FAT4: variants seen among roughly 807,000 people sequenced by gnomAD.
FAT4 encodes FAT atypical cadherin 4, also known as protocadherin Fat 4.
FAT4 carries 84 observed loss-of-function variants against 303.9 expected under a neutral mutation model. The observed-to-expected ratio is 0.28, with a 90% CI of 0.23 to 0.33. The LOEUF is 0.33. Ranked by LOEUF, FAT4 falls within the 10% of genes least tolerant of loss-of-function variation. The pLI is 1.00. For synonymous variants in FAT4, 2,307 were observed against 2,298.8 expected, an observed-to-expected ratio of 1.00 and a Z score of -0.10; for missense variants, 6,005 against 6,146.8, an observed-to-expected ratio of 0.98 and a Z score of 0.77.
chr4:125,317,617 T>G lies in FAT4; in HGVS notation c.1206T>G (p.Asn402Lys). ...GNISVQILGG[N>K]EQRHFEVQSS... ...TCTCCGTGCAAATTCTCGGGGGCAA[T>G]GAGCAGCGCCACTTTGAAGTGCAAA... The change falls in exon 2 of 18, where the codon AAT becomes AAG. Residue 402 changes from asparagine (N) to lysine (K), a missense_variant. Physicochemically the swap from Asn to Lys is moderately conservative, Grantham distance 94. Transcript: ENST00000394329. This position sits in a 1 kb window ranked among gnomAD's most constrained non-coding sequence, Gnocchi z 7.0. 1 of 1,613,914 alleles carries G rather than the reference T, an allele frequency of 6.2e-7. No homozygotes were observed. The highest frequency in any genetic ancestry group is 8.5e-7 in the Non-Finnish European group (1 of 1,179,948).
intron 7 of FAT4, among the ~76,000 whole-genome samples, chr4:125,432,042 G>A (rs1215364975): frequency 3.9e-5 from 6 of 152,076 alleles, no homozygotes; most frequent in African/African-American, 1.2e-4. Flanking sequence ...TAAAATCTAT[G>A]CCAAGATTAT....
intron 2 of FAT4, 86 bp downstream of exon 2, chr4:125,321,672 C>G: frequency 7.7e-7 from 1 of 1,291,980 alleles, no homozygotes; most frequent in Non-Finnish European, 1.0e-6. Flanking sequence ...TAATTGTTTA[C>G]CTTCATTGTT....
intron 2 of FAT4, among the ~76,000 whole-genome samples, chr4:125,359,334 GT>G (rs1732559207): frequency 1.3e-5 from 2 of 152,072 alleles, no homozygotes; most frequent in African/African-American, 2.4e-5. Flanking sequence ...GGATGTTGTT[GT>G]TTTCCTAATA....
intron 11 of FAT4, among the ~76,000 whole-genome samples, chr4:125,464,765 G>T (rs1208418666): frequency 1.3e-5 from 2 of 152,030 alleles, no homozygotes; most frequent in Non-Finnish European, 2.9e-5. Context: ...AGAACATGCG[G>T]TGTTTGGTTT....
intron 2 of FAT4, among the ~76,000 whole-genome samples, chr4:125,375,313 G>T (rs1733269919): frequency 6.6e-6 from 1 of 152,166 alleles, no homozygotes; most frequent in South Asian, 2.1e-4. Context: ...AACACGTTTG[G>T]TAAAGCAGCT....
intron 2 of FAT4, among the ~76,000 whole-genome samples, chr4:125,366,207 G>A (rs1732881699): frequency 6.6e-6 from 1 of 152,068 alleles, no homozygotes; most frequent in Non-Finnish European, 1.5e-5. Flanking sequence ...TATTAATTAA[G>A]GCTAGTACCC....
chr4:125,341,349 G>C (rs1461364142), intron 2 of FAT4, among the ~76,000 whole-genome samples: 1 of 152,026 alleles, frequency 6.6e-6, no homozygotes, highest in African/African-American at 2.4e-5. Context: ...GTGGTTATAT[G>C]GGAATTCATA....
intron 2 of FAT4, among the ~76,000 whole-genome samples, chr4:125,378,062 G>A (rs539836547): frequency 7.2e-5 from 11 of 152,080 alleles, no homozygotes; most frequent in South Asian, 2.1e-4. Flanking sequence ...TAAAAACTTC[G>A]ATAACATAAG....
chr4:125,401,883 G>A (rs1299714473), intron 3 of FAT4, among the ~76,000 whole-genome samples: 1 of 151,704 alleles, frequency 6.6e-6, no homozygotes, highest in East Asian at 1.9e-4. Context: ...ATGTGCTTTT[G>A]TCTCTGTGGT....
intron 2 of FAT4, among the ~76,000 whole-genome samples, chr4:125,385,001 C>T (rs200330305): frequency 0.055 from 6,647 of 120,006 alleles, 235 homozygotes; most frequent in East Asian, 0.15. Context: ...TATATATATA[C>T]ATATATATAT....
chr4:125,361,990 C>G (rs191174440), intron 2 of FAT4, among the ~76,000 whole-genome samples: 6 of 152,008 alleles, frequency 3.9e-5, no homozygotes, highest in Admixed American at 3.9e-4. Flanking sequence ...CTATTATTTT[C>G]CCTACTAACC....
At chr4:125,481,476 G>A (rs372934042) in intron 15 of FAT4, 45 bp from the exon 16 acceptor site, 122 of 1,552,878 alleles carry the variant, frequency 7.9e-5, no homozygotes, top group Non-Finnish European at 1.0e-4. Flanking sequence ...TCCAAGAAAT[G>A]CCAAATGAAT....
rs767411960 is a variant in FAT4, at chr4:125,450,989, C to T, written c.9979C>T (p.Arg3327Cys). 51 of 1,614,024 alleles carry T rather than the reference C, an allele frequency of 3.2e-5. No individual in the cohort carries two copies. The highest frequency in any genetic ancestry group is 8.9e-5 in the East Asian group (4 of 44,874). The change falls in exon 10 of 18, where the codon CGT becomes TGT. Residue 3327 changes from arginine to cysteine, a missense_variant. Physicochemically the swap from Arg to Cys is radical, Grantham distance 180. Coordinates refer to ENST00000394329, the MANE Select transcript of FAT4 (RefSeq NM_001291303.3). ...TGTTGGAGAAGTGTTTGCTAGCGAC[C>T]GTGATTTGGGCACTGATGGGGAGGT... ...TIVGEVFASDRDLGTDGEVHY... is the reference protein window; with the variant it reads ...TIVGEVFASDCDLGTDGEVHY...
intron 8 of FAT4, among the ~76,000 whole-genome samples, chr4:125,434,789 G>T (rs1367853818): frequency 6.6e-6 from 1 of 152,178 alleles, no homozygotes; most frequent in Non-Finnish European, 1.5e-5. Flanking sequence ...CTGCTGCCTT[G>T]GCAGGGTTGG....
chr4:125,470,467 G>A (rs573850433), intron 12 of FAT4, among the ~76,000 whole-genome samples: 2 of 152,258 alleles, frequency 1.3e-5, no homozygotes, highest in South Asian at 2.1e-4. Flanking sequence ...TACATTGAAA[G>A]TCTGTTCTTT....
intron 2 of FAT4, among the ~76,000 whole-genome samples, chr4:125,346,528 T>A (rs1029160919): frequency 4.6e-4 from 70 of 152,140 alleles, no homozygotes; most frequent in African/African-American, 1.4e-3. Flanking sequence ...GCCTTGAATT[T>A]TTTTTTGAAA....
chr4:125,348,132 A>G (rs1256692058), intron 2 of FAT4, among the ~76,000 whole-genome samples: 1 of 151,738 alleles, frequency 6.6e-6, no homozygotes, highest in Non-Finnish European at 1.5e-5. Flanking sequence ...CTTTATCCAT[A>G]AAACAATGAT....
chr4:125,320,358 C>G lies in FAT4; in HGVS notation c.3947C>G (p.Pro1316Arg). 6.2e-7 allele frequency: 1 copy of G among 1,613,970 alleles called. No individual in the cohort carries two copies. Among genetic ancestry groups the G allele is most frequent in the Non-Finnish European group, 8.5e-7 (1 of 1,179,906 alleles). ...GAAAATGACAATACCCCTTCTTTCC[C>G]TAAATCAACACTCTTTGTTGATGTT... ...LDENDNTPSFPKSTLFVDVLE... is the reference protein window; with the variant it reads ...LDENDNTPSFRKSTLFVDVLE... The change falls in exon 2 of 18, where the codon CCT becomes CGT. Residue 1316 changes from proline (P) to arginine (R), a missense_variant. Pro to Arg is a moderately radical substitution (Grantham distance 103). Coordinates refer to ENST00000394329, the MANE Select transcript of FAT4 (RefSeq NM_001291303.3).
intron 2 of FAT4, among the ~76,000 whole-genome samples, chr4:125,361,109 A>G (rs1163933248): frequency 1.3e-5 from 2 of 151,802 alleles, no homozygotes; most frequent in African/African-American, 2.4e-5. Flanking sequence ...TAAATATTAC[A>G]TTTTTCCCCA....
Sources: allele counts gnomAD v4.1 joint callset (sites outside exome capture counted in the v4.1 genomes callset), GRCh38; gene constraint gnomAD v4.1.1; non-coding constraint Gnocchi (gnomAD v3.1); transcripts MANE v1.5; gene names NCBI Gene and HGNC (gene_info 2026-07-23, HGNC 2026-07-21).